Variants in ZNF804A observed in about 807,000 individuals in gnomAD.
ZNF804A encodes the protein zinc finger protein 804A.
In ZNF804A, 2 loss-of-function variants were observed where a neutral mutation model predicts 16.5. The ratio of observed to expected loss-of-function variants is 0.12; its 90% CI spans 0.05 to 0.38. The LOEUF is 0.38. ZNF804A is among the 10% of genes least tolerant of loss of function. The probability of loss-of-function intolerance (pLI) is 0.99; values close to 1 mark genes in which losing one functional copy is unlikely to be tolerated. For synonymous variants in ZNF804A, 534 were observed against 489.6 expected, an observed-to-expected ratio of 1.09 and a Z score of -1.20; for missense variants, 1,473 against 1,390.7, an observed-to-expected ratio of 1.06 and a Z score of -0.94.
chr2:184,938,930 T>A lies in ZNF804A; in HGVS notation c.3534T>A (p.His1178Gln). ...CAATCATTCCAGCTTCCGTTCTTCATCCTAGCCATCTGGCTTTCCCATCTT... is the reference window on the plus strand; with the variant it reads ...CAATCATTCCAGCTTCCGTTCTTCAACCTAGCCATCTGGCTTTCCCATCTT... ...QMPIIPASVL[H>Q]PSHLAFPSLP... is the part of the protein sequence containing the mutation. Residue 1178 changes from histidine to glutamine, a missense_variant, in exon 4 of 4, where the codon CAT becomes CAA. Physicochemically the swap from His to Gln is conservative, Grantham distance 24. Transcript: ENST00000302277. The A allele has an allele frequency of 6.2e-7, 1 of 1,613,946 alleles. No individual in the cohort carries two copies. Among genetic ancestry groups the A allele is most frequent in the Non-Finnish European group, 8.5e-7 (1 of 1,179,982 alleles).
chr2:184,819,144 C>A (rs747085065), intron 1 of ZNF804A, among the ~76,000 whole-genome samples: 4 of 151,748 alleles, frequency 2.6e-5, no homozygotes, highest in Non-Finnish European at 4.4e-5. Flanking sequence ...CACTTACTCA[C>A]TCTAACATTG....
intron 1 of ZNF804A, among the ~76,000 whole-genome samples, chr2:184,683,500 C>G (rs1301383596): frequency 1.3e-5 from 2 of 152,100 alleles, no homozygotes; most frequent in South Asian, 4.1e-4. Flanking sequence ...ACTTTCCCAC[C>G]ATTTATTGTT....
chr2:184,652,614 T>TC (rs1222711835), intron 1 of ZNF804A, among the ~76,000 whole-genome samples: 1 of 152,154 alleles, frequency 6.6e-6, no homozygotes, highest in East Asian at 1.9e-4. Flanking sequence ...TCTTTGTTTT[T>TC]CTCTGTTAAG....
At chr2:184,849,287 T>C (rs1471509708) in intron 1 of ZNF804A, among the ~76,000 whole-genome samples, 1 of 151,994 alleles carries the variant, frequency 6.6e-6, no homozygotes, top group African/African-American at 2.4e-5. Flanking sequence ...TAGTAGCCCC[T>C]GGACAGGAAG....
chr2:184,739,366 T>A (rs1476714901), intron 1 of ZNF804A, among the ~76,000 whole-genome samples: 1 of 152,210 alleles, frequency 6.6e-6, no homozygotes, highest in Non-Finnish European at 1.5e-5. Flanking sequence ...TGTTCTGTGA[T>A]TAACAAATAA....
intron 1 of ZNF804A, among the ~76,000 whole-genome samples, chr2:184,711,765 C>T (rs937757800): frequency 6.6e-6 from 1 of 151,506 alleles, no homozygotes; most frequent in Non-Finnish European, 1.5e-5. Context: ...TTATTGGCAC[C>T]CTTGTCAAAG....
intron 1 of ZNF804A, among the ~76,000 whole-genome samples, chr2:184,640,890 A>C (rs1691785898): frequency 6.6e-6 from 1 of 152,104 alleles, no homozygotes; most frequent in Admixed American, 6.6e-5. Flanking sequence ...AGACTGACTT[A>C]TTTCTTTCTA....
chr2:184,872,357 A>G (rs1272362715), intron 2 of ZNF804A, among the ~76,000 whole-genome samples: 2 of 152,092 alleles, frequency 1.3e-5, no homozygotes, highest in African/African-American at 4.8e-5. Flanking sequence ...ATGAACAACA[A>G]AATAGGGGTT....
chr2:184,646,151 A>G (rs1574145238), intron 1 of ZNF804A, among the ~76,000 whole-genome samples: 1 of 152,168 alleles, frequency 6.6e-6, no homozygotes. Flanking sequence ...GCATGACCAC[A>G]TGGCATTTAA....
At chr2:184,880,501 A>G (rs1490766416) in intron 2 of ZNF804A, among the ~76,000 whole-genome samples, 8 of 152,116 alleles carry the variant, frequency 5.3e-5, no homozygotes, top group Admixed American at 5.2e-4. Context: ...AAGTTATAAT[A>G]TAGGCAAACA....
chr2:184,698,788 A>T (rs1476527224), intron 1 of ZNF804A, among the ~76,000 whole-genome samples: 1 of 152,066 alleles, frequency 6.6e-6, no homozygotes, highest in East Asian at 1.9e-4. Context: ...AAGAAGTTCT[A>T]AGTGTCACAT....
chr2:184,690,526 A>G (rs1692710918), intron 1 of ZNF804A, among the ~76,000 whole-genome samples: 1 of 152,068 alleles, frequency 6.6e-6, no homozygotes, highest in African/African-American at 2.4e-5. Flanking sequence ...TCTGTAACCT[A>G]GAAGAGAAAT....
intron 1 of ZNF804A, among the ~76,000 whole-genome samples, chr2:184,736,370 T>G (rs1693613261): frequency 6.6e-6 from 1 of 152,186 alleles, no homozygotes; most frequent in African/African-American, 2.4e-5. Context: ...AGAAAATAAG[T>G]GTTCATAGAG....
intron 1 of ZNF804A, among the ~76,000 whole-genome samples, chr2:184,736,519 A>G (rs1323393565): frequency 6.6e-6 from 1 of 152,014 alleles, no homozygotes; most frequent in East Asian, 1.9e-4. Context: ...CAAATACCAC[A>G]TGGGAGTTCA....
intron 2 of ZNF804A, among the ~76,000 whole-genome samples, chr2:184,893,862 AGCAGT>A (rs1029694937): frequency 2.2e-4 from 33 of 152,228 alleles, no homozygotes; most frequent in African/African-American, 7.7e-4. Flanking sequence ...TATTCCCTGG[AGCAGT>A]GTCTAATTGA....
At position 184,635,736 on chromosome 2, in the gene ZNF804A, G is replaced by A. The variant is rs116288932; in HGVS notation, c.111+36666G>A. 9.8e-3 allele frequency among the ~76,000 whole-genome samples: 1,497 copies of A among 152,150 alleles called. 26 individuals carry two copies. Among genetic ancestry groups the A allele is most frequent in the African/African-American group, 0.034 (1,394 of 41,524 alleles). ...CTTGTTGGGAACTATCTCACACATC[G>A]TGATTAGGGTGTCAGAAAGATTGAA... On this transcript the variant is annotated intron_variant, in intron 1 of 3. Coordinates refer to ENST00000302277, the MANE Select transcript of ZNF804A (RefSeq NM_194250.2).
chr2:184,711,335 C>T (rs1169929005), intron 1 of ZNF804A, among the ~76,000 whole-genome samples: 1 of 151,660 alleles, frequency 6.6e-6, no homozygotes, highest in Non-Finnish European at 1.5e-5. Context: ...CATTCTTTGT[C>T]CATATTTTAA....
intron 1 of ZNF804A, among the ~76,000 whole-genome samples, chr2:184,821,091 A>T (rs1475001906): frequency 2.6e-5 from 4 of 152,200 alleles, no homozygotes; most frequent in African/African-American, 7.2e-5. Flanking sequence ...GGAACCAAGA[A>T]AGAGCCCAAA....
At chr2:184,664,376 A>G (rs1368894281) in intron 1 of ZNF804A, among the ~76,000 whole-genome samples, 2 of 152,136 alleles carry the variant, frequency 1.3e-5, no homozygotes, top group Admixed American at 6.5e-5. Flanking sequence ...AAGTGGCTTA[A>G]TAATCTACAC....
Sources: allele counts gnomAD v4.1 joint callset (sites outside exome capture counted in the v4.1 genomes callset), GRCh38; gene constraint gnomAD v4.1.1; transcripts MANE v1.5; gene names NCBI Gene and HGNC (gene_info 2026-07-23, HGNC 2026-07-21).